ACSS3: variants seen among roughly 807,000 people sequenced by gnomAD.
The protein encoded by ACSS3 is acyl-CoA synthetase short-chain family member 3, mitochondrial.
In ACSS3, 64 loss-of-function variants were observed where a neutral mutation model predicts 84.2. The observed-to-expected ratio is 0.76, with a 90% CI of 0.62 to 0.94. The LOEUF is 0.94. Ranked by LOEUF, ACSS3 falls within the 40% of genes least tolerant of loss-of-function variation. The probability of loss-of-function intolerance (pLI) is 0.00; values close to 1 mark genes in which losing one functional copy is unlikely to be tolerated. For synonymous variants in ACSS3, 317 were observed against 310.1 expected (o/e 1.02, Z -0.23); for missense variants, 815 against 867.6 (o/e 0.94, Z 0.76).
At chr12:81,132,359 G>C (rs1282346338) in intron 2 of ACSS3, among the ~76,000 whole-genome samples, 3 of 152,112 alleles carry the variant, frequency 2.0e-5, no homozygotes, top group African/African-American at 4.8e-5. Context: ...AGTCTTGGGA[G>C]GGTGTATGTG....
chr12:81,166,147 A>G (rs574699948), intron 7 of ACSS3, among the ~76,000 whole-genome samples: 100 of 152,292 alleles, frequency 6.6e-4, no homozygotes, highest in African/African-American at 2.3e-3. Context: ...GGGAAGTCCA[A>G]TTGGACTTGG....
intron 13 of ACSS3, among the ~76,000 whole-genome samples, chr12:81,249,464 C>T (rs974405395): frequency 6.6e-6 from 1 of 152,026 alleles, no homozygotes; most frequent in Non-Finnish European, 1.5e-5. Context: ...ACACGGTTCA[C>T]ATGCCTTTTG....
chr12:81,138,014 C>T (rs1885898446), intron 3 of ACSS3, among the ~76,000 whole-genome samples: 1 of 151,878 alleles, frequency 6.6e-6, no homozygotes, highest in Non-Finnish European at 1.5e-5. Flanking sequence ...GCCTCTGTTC[C>T]ATGAATATTA....
In ACSS3 at chr12:81,243,816, A is replaced by G. The variant is rs928654219; in HGVS notation, c.1720-9491A>G. Among the ~76,000 whole-genome samples, 5 of 152,142 alleles carry G rather than the reference A, an allele frequency of 3.3e-5. No individual in the cohort carries two copies. The East Asian group carries it at 5.8e-4, about 18-fold the overall frequency. Reference sequence around the variant, plus strand: ...CTTGCTAGCACATTAGCATATACACATGCGCATATACACACATTGTTGCTA... The same window carrying G: ...CTTGCTAGCACATTAGCATATACACGTGCGCATATACACACATTGTTGCTA... On this transcript the variant is annotated intron_variant, in intron 13 of 15. Transcript: ENST00000548058.
chr12:81,101,260 A>T (rs1180857887), intron 1 of ACSS3, among the ~76,000 whole-genome samples: 4 of 152,156 alleles, frequency 2.6e-5, no homozygotes, highest in Non-Finnish European at 5.9e-5. Context: ...TATTAAGGTA[A>T]TGAGTCAGTT....
rs1352218071 is a variant in ACSS3, at chr12:81,259,627, G to A, written c.*4705G>A. 18 of 1,533,124 alleles carry A rather than the reference G, an allele frequency of 1.2e-5. No individual in the cohort carries two copies. Among genetic ancestry groups the A allele is most frequent in the South Asian group, 2.4e-5 (2 of 83,968 alleles). 95.0% of individuals were successfully genotyped at this position (1,533,124 alleles called of 1,614,324 possible). On this transcript the variant is annotated 3_prime_UTR_variant, in exon 16 of 16. Coordinates refer to ENST00000548058, the MANE Select transcript of ACSS3 (RefSeq NM_024560.4). ...ACTGCTCGTCTTCTTAGATGGTAGTGCACTTTAGGTAGAGTAGACTGAAAA... is the reference window on the plus strand; with the variant it reads ...ACTGCTCGTCTTCTTAGATGGTAGTACACTTTAGGTAGAGTAGACTGAAAA...
chr12:81,094,184 C>G (rs11114758), intron 1 of ACSS3, among the ~76,000 whole-genome samples: 20,598 of 146,672 alleles, frequency 0.14, 1,604 homozygotes, highest in African/African-American at 0.2. Context: ...GTCTCTCTCT[C>G]TGTGTGTGTG....
chr12:81,160,765 C>G (rs1274041348), intron 7 of ACSS3, among the ~76,000 whole-genome samples: 1 of 152,074 alleles, frequency 6.6e-6, no homozygotes, highest in African/African-American at 2.4e-5. Flanking sequence ...CTGAAGAAAA[C>G]TTTCACTTTA....
intron 9 of ACSS3, among the ~76,000 whole-genome samples, chr12:81,201,191 T>G (rs1438629839): frequency 6.6e-6 from 1 of 152,214 alleles, no homozygotes; most frequent in Non-Finnish European, 1.5e-5. Context: ...GAAAAATGTT[T>G]ACAGTATTTA....
In ACSS3 at chr12:81,143,136, C is replaced by A. The variant is rs761237419; in HGVS notation, c.810C>A (p.Asp270Glu). 1 of 1,613,400 alleles carries A rather than the reference C, an allele frequency of 6.2e-7. No individual in the cohort carries two copies. The highest frequency in any genetic ancestry group is 1.7e-5 in the Admixed American group (1 of 60,000). ...CGGTTCCTTTGGCTCCCGGTCGTGA[C>A]CTTGATTGGGATGAAGAGATGGCAA... ...MEAVPLAPGR[D>E]LDWDEEMAKA... Residue 270 changes from aspartate to glutamate, a missense_variant, in exon 5 of 16, where the codon GAC becomes GAA. Physicochemically the swap from Asp to Glu is conservative, Grantham distance 45 (BLOSUM62 2). Transcript: ENST00000548058.
At position 81,172,259 on chromosome 12, in the gene ACSS3, C is replaced by CAAAAAAAAAAAA. The variant is rs775755412; in HGVS notation, c.1099-2522_1099-2511dup. Among the ~76,000 whole-genome samples, 88 of 56,958 alleles carry CAAAAAAAAAAAA rather than the reference C, an allele frequency of 1.5e-3. 1 individual carries two copies. Among genetic ancestry groups the CAAAAAAAAAAAA allele is most frequent in the African/African-American group, 5.6e-3 (80 of 14,206 alleles). 37.4% of individuals were successfully genotyped at this position (56,958 alleles called of 152,430 possible). The stretch of plus-strand genomic sequence containing the variant: ...CCAGCCTGAGAGTGAGGCTCTGTCT[C>CAAAAAAAAAAAA]AAAAAAAAAAAAAAAAAAGGCCCTG... On this transcript the variant is annotated intron_variant, in intron 7 of 15. Coordinates refer to ENST00000548058, the MANE Select transcript of ACSS3 (RefSeq NM_024560.4).
chr12:81,203,913 G>A (rs2032224999), intron 9 of ACSS3, among the ~76,000 whole-genome samples: 2 of 152,052 alleles, frequency 1.3e-5, no homozygotes, highest in Admixed American at 1.3e-4. Flanking sequence ...AGAAACAGAG[G>A]TTTTACAATC....
At chr12:81,151,386 CTTT>C (rs1245629044) in intron 5 of ACSS3, among the ~76,000 whole-genome samples, 1 of 152,132 alleles carries the variant, frequency 6.6e-6, no homozygotes, top group Non-Finnish European at 1.5e-5. Context: ...TAGAATATGA[CTTT>C]GTTTCCTCCA....
At chr12:81,163,697 G>A (rs10735438) in intron 7 of ACSS3, among the ~76,000 whole-genome samples, 27,550 of 152,094 alleles carry the variant, frequency 0.18, 2,806 homozygotes, top group East Asian at 0.39. Flanking sequence ...CAGTGATACC[G>A]ACAATCCTGA....
intron 1 of ACSS3, among the ~76,000 whole-genome samples, chr12:81,098,930 G>A (rs1251636381): frequency 6.6e-6 from 1 of 152,164 alleles, no homozygotes; most frequent in African/African-American, 2.4e-5. Flanking sequence ...TTGCAAACCA[G>A]TCTTCGTTTT....
intron 8 of ACSS3, among the ~76,000 whole-genome samples, chr12:81,184,655 A>G (rs1480927955): frequency 6.6e-6 from 1 of 151,728 alleles, no homozygotes; most frequent in Admixed American, 6.6e-5. Flanking sequence ...ATATGCCAAC[A>G]AATTGGATAA....
chr12:81,227,398 T>TACACACACAC (rs34993441), intron 11 of ACSS3, among the ~76,000 whole-genome samples: 1,634 of 148,678 alleles, frequency 0.011, 12 homozygotes, highest in Non-Finnish European at 0.014. Flanking sequence ...GAGGACTATT[T>TACACACACAC]ACACACACAC....
intron 2 of ACSS3, among the ~76,000 whole-genome samples, chr12:81,118,816 T>C (rs1884290666): frequency 6.6e-6 from 1 of 152,164 alleles, no homozygotes; most frequent in South Asian, 2.1e-4. Context: ...GCCATAAAGA[T>C]GAACTAAAAC....
chr12:81,127,923 C>CATACATA (rs749002395), intron 2 of ACSS3, among the ~76,000 whole-genome samples: 6 of 152,116 alleles, frequency 3.9e-5, no homozygotes, highest in Admixed American at 6.6e-5. Flanking sequence ...AGCATCTGGT[C>CATACATA]ACAAAGTTAT....
Sources: allele counts gnomAD v4.1 joint callset (sites outside exome capture counted in the v4.1 genomes callset), GRCh38; gene constraint gnomAD v4.1.1; transcripts MANE v1.5; gene names NCBI Gene and HGNC (gene_info 2026-07-23, HGNC 2026-07-21).